The following ERBB4 variants were observed in gnomAD, a reference collection of about 807,000 sequenced individuals.
ERBB4 encodes the protein receptor tyrosine-protein kinase erbB-4.
In ERBB4, 42 loss-of-function variants were observed where a neutral mutation model predicts 158.0. That is an observed-to-expected ratio of 0.27 (90% CI 0.21 to 0.34). The LOEUF (loss-of-function observed/expected upper bound fraction) is 0.34. ERBB4 is among the 10% of genes least tolerant of loss of function. ERBB4 has a pLI of 1.00. For missense variants in ERBB4, 1,333 were observed against 1,624.1 expected, an observed-to-expected ratio of 0.82 and a Z score of 3.08; for synonymous variants, 583 against 558.7, an observed-to-expected ratio of 1.04 and a Z score of -0.61.
chr2:212,098,080 C>A (rs1173270493), intron 2 of ERBB4, among the ~76,000 whole-genome samples: 1 of 151,980 alleles, frequency 6.6e-6, no homozygotes, highest in African/African-American at 2.4e-5. Flanking sequence ...TTAGAAGACT[C>A]ATAGACAATA....
chr2:211,561,246 G>A lies in ERBB4; in HGVS notation c.2487+657C>T, dbSNP rs202206621. ...AATTTGGGAAATCACAAAAAATCCA[G>A]AATTCTGGCCACTCTTAAAAAAATT... On this transcript the variant is annotated intron_variant, in intron 20 of 27. Transcript: ENST00000342788. Among the ~76,000 whole-genome samples the A allele has an allele frequency of 5.3e-5, 8 of 152,208 alleles. No individual in the cohort carries two copies. In the East Asian group the frequency reaches 1.5e-3, roughly 29 times the overall value.
rs1458068711 is a variant in ERBB4 at position 212,438,854 on chromosome 2, CATT to C, written c.82+99592_82+99594del. Among the ~76,000 whole-genome samples the C allele has an allele frequency of 2.6e-5, 4 of 152,128 alleles. No individual in the cohort carries two copies. In the East Asian group the frequency reaches 5.8e-4, roughly 22 times the overall value. On this transcript the variant is annotated intron_variant, in intron 1 of 27. Transcript: ENST00000342788. ...GCCATTACATCTTTTAAAAGTTAAACATTATGATACTGGCTCAAAGACAGACAA... is the reference window on the plus strand; with the variant it reads ...GCCATTACATCTTTTAAAAGTTAAACATGATACTGGCTCAAAGACAGACAA...
At chr2:211,978,838 GC>G (rs1317304388) in intron 2 of ERBB4, among the ~76,000 whole-genome samples, 1 of 151,994 alleles carries the variant, frequency 6.6e-6, no homozygotes, top group Non-Finnish European at 1.5e-5. Context: ...TCTTGTACCA[GC>G]CCAGTCTAAA....
At chr2:211,436,366 G>A (rs2063854813) in intron 20 of ERBB4, among the ~76,000 whole-genome samples, 1 of 152,030 alleles carries the variant, frequency 6.6e-6, no homozygotes, top group African/African-American at 2.4e-5. Context: ...TGTAGATTCT[G>A]TGGTCAATTG....
chr2:211,556,546 T>G (rs1336311070), intron 20 of ERBB4, among the ~76,000 whole-genome samples: 1 of 152,138 alleles, frequency 6.6e-6, no homozygotes. Context: ...TGTGGGTACA[T>G]AGGTGTATAT....
At chr2:212,319,925 T>A (rs1018152783) in intron 1 of ERBB4, among the ~76,000 whole-genome samples, 3 of 150,190 alleles carry the variant, frequency 2.0e-5, no homozygotes, top group African/African-American at 7.3e-5. Context: ...CACAATATAC[T>A]CTCATCTTTT....
chr2:212,094,952 T>C (rs1217780139), intron 2 of ERBB4, among the ~76,000 whole-genome samples: 1 of 152,112 alleles, frequency 6.6e-6, no homozygotes, highest in Non-Finnish European at 1.5e-5. Flanking sequence ...AATTAGAAAA[T>C]AGGGCAGAAA....
chr2:212,264,451 G>A (rs1261598457), intron 1 of ERBB4, among the ~76,000 whole-genome samples: 1 of 152,030 alleles, frequency 6.6e-6, no homozygotes, highest in Admixed American at 6.6e-5. Flanking sequence ...CCAAGCACTT[G>A]CACTGTATAT....
chr2:211,771,766 G>T (rs956964528), intron 4 of ERBB4, among the ~76,000 whole-genome samples: 2 of 152,114 alleles, frequency 1.3e-5, no homozygotes, highest in Non-Finnish European at 2.9e-5. Flanking sequence ...GAGACTAGGG[G>T]CTACGATCAG....
chr2:211,964,901 A>G (rs2081270645), intron 2 of ERBB4, among the ~76,000 whole-genome samples: 2 of 152,110 alleles, frequency 1.3e-5, no homozygotes, highest in African/African-American at 4.8e-5. Context: ...ATGAATACCT[A>G]CTATATAGGT....
chr2:212,371,580 A>G (rs1030465734), intron 1 of ERBB4, among the ~76,000 whole-genome samples: 2 of 152,170 alleles, frequency 1.3e-5, no homozygotes, highest in African/African-American at 4.8e-5. Context: ...GTCAGCACTC[A>G]TTTATTTGTG....
At chr2:211,761,893 A>T (rs553869433) in intron 4 of ERBB4, among the ~76,000 whole-genome samples, 51 of 152,334 alleles carry the variant, frequency 3.3e-4, no homozygotes, top group Middle Eastern at 3.4e-3. Context: ...CCAGCTATTA[A>T]ATCATTTTTG....
chr2:212,437,603 A>G (rs918533778), intron 1 of ERBB4, among the ~76,000 whole-genome samples: 1 of 151,882 alleles, frequency 6.6e-6, no homozygotes, highest in African/African-American at 2.4e-5. Flanking sequence ...GCTCTTAAGT[A>G]TTCTCTATTG....
chr2:212,484,041 T>C (rs77313211), intron 1 of ERBB4, among the ~76,000 whole-genome samples: 3,364 of 152,292 alleles, frequency 0.022, 99 homozygotes, highest in South Asian at 0.085. Flanking sequence ...TGACCTGTCA[T>C]CATGTTCTTT....
chr2:212,074,786 T>C (rs774638844), intron 2 of ERBB4, among the ~76,000 whole-genome samples: 31 of 152,012 alleles, frequency 2.0e-4, no homozygotes, highest in African/African-American at 9.7e-5. Flanking sequence ...CAGGAATTTA[T>C]ATTTTAAACA....
intron 1 of ERBB4, among the ~76,000 whole-genome samples, chr2:212,177,944 G>C (rs1257262466): frequency 2.5e-5 from 3 of 120,756 alleles, no homozygotes; most frequent in Admixed American, 8.1e-5. Flanking sequence ...GTGTTTGTGA[G>C]TGTTTGTGAG....
intron 1 of ERBB4, among the ~76,000 whole-genome samples, chr2:212,352,276 T>C (rs1359614461): frequency 6.7e-6 from 1 of 149,070 alleles, no homozygotes; most frequent in African/African-American, 2.5e-5. Flanking sequence ...GATGTGAGTA[T>C]ACCAATGTAA....
chr2:212,224,878 TTTG>T (rs1475816749), intron 1 of ERBB4, among the ~76,000 whole-genome samples: 3 of 152,080 alleles, frequency 2.0e-5, no homozygotes, highest in African/African-American at 4.8e-5. Flanking sequence ...ATTTTAAGAA[TTTG>T]TTGAGTCATA....
At chr2:211,839,152 A>AGG (rs1553642901) in intron 3 of ERBB4, among the ~76,000 whole-genome samples, 8 of 110,906 alleles carry the variant, frequency 7.2e-5, no homozygotes, top group African/African-American at 2.2e-4. Context: ...GGAGAGAGAG[A>AGG]AGGAGGAGGA....
Sources: gnomAD v4.1 joint callset for allele counts (sites outside exome capture counted in the v4.1 genomes callset) on GRCh38, gnomAD v4.1.1 for gene constraint, MANE v1.5 for transcripts, NCBI Gene and HGNC (gene_info 2026-07-23, HGNC 2026-07-21) for gene names.